The following PBX1 variants were observed in gnomAD, a reference collection of about 807,000 sequenced individuals.
PBX1 encodes the protein PBX homeobox 1, also known as pre-B-cell leukemia transcription factor 1.
A neutral mutation model predicts 53.4 loss-of-function variants in PBX1; 6 were observed. That is an observed-to-expected ratio of 0.11 (90% CI 0.06 to 0.22). PBX1 has a LOEUF of 0.22. PBX1 is among the 10% of genes least tolerant of loss of function. The pLI is 1.00. For missense variants in PBX1, 251 were observed against 551.4 expected, an observed-to-expected ratio of 0.46 and a Z score of 5.46; for synonymous variants, 204 against 212.3, an observed-to-expected ratio of 0.96 and a Z score of 0.34.
chr1:164,583,587 T>A (rs1654767420), intron 2 of PBX1, among the ~76,000 whole-genome samples: 1 of 152,296 alleles, frequency 6.6e-6, no homozygotes, highest in East Asian at 1.9e-4. Context: ...GAAACATGGT[T>A]CCTAAGAAGG....
At chr1:164,743,706 A>G (rs1212188842) in intron 2 of PBX1, among the ~76,000 whole-genome samples, 1 of 152,208 alleles carries the variant, frequency 6.6e-6, no homozygotes, top group Non-Finnish European at 1.5e-5. Context: ...GAGGTGGGTC[A>G]TTAGGGAGCC....
chr1:164,863,391 G>A (rs921102338), intron 2 of PBX1, among the ~76,000 whole-genome samples: 1 of 152,156 alleles, frequency 6.6e-6, no homozygotes, highest in Non-Finnish European at 1.5e-5. Context: ...CATGTTTCCC[G>A]AGAGCCTACT....
At chr1:164,828,248 T>G (rs1242396062) in intron 8 of PBX1, among the ~76,000 whole-genome samples, 2 of 152,094 alleles carry the variant, frequency 1.3e-5, no homozygotes, top group African/African-American at 2.4e-5. Context: ...GTATCACATT[T>G]AGGCTGTGTG....
intron 2 of PBX1, among the ~76,000 whole-genome samples, chr1:164,729,373 CT>C (rs1370310330): frequency 6.6e-6 from 1 of 151,958 alleles, no homozygotes; most frequent in East Asian, 1.9e-4. Context: ...TTTTTCCTTC[CT>C]TTTTTTCCTT....
intron 5 of PBX1, among the ~76,000 whole-genome samples, chr1:164,811,245 G>A (rs1057221346): frequency 6.6e-6 from 1 of 152,168 alleles, no homozygotes; most frequent in African/African-American, 2.4e-5. Context: ...TATGAAGGGA[G>A]CAGAGGTACC....
intron 2 of PBX1, among the ~76,000 whole-genome samples, chr1:164,661,090 G>A (rs1357034246): frequency 6.6e-6 from 1 of 152,190 alleles, no homozygotes; most frequent in Non-Finnish European, 1.5e-5. Context: ...AACACAGACT[G>A]GAAGCAGCTG....
intron 2 of PBX1, among the ~76,000 whole-genome samples, chr1:164,768,154 C>T (rs1187249923): frequency 1.3e-5 from 2 of 152,182 alleles, no homozygotes; most frequent in East Asian, 1.9e-4. Flanking sequence ...ATTGATTTCA[C>T]ACCAGCCATG....
chr1:164,880,302 AT>A (rs533104584), intron 2 of PBX1, among the ~76,000 whole-genome samples: 69 of 152,324 alleles, frequency 4.5e-4, no homozygotes, highest in African/African-American at 1.6e-3. Flanking sequence ...AAATATGCTC[AT>A]GATGATAGGC....
intron 2 of PBX1, among the ~76,000 whole-genome samples, chr1:164,620,712 T>A (rs936801830): frequency 6.6e-6 from 1 of 152,138 alleles, no homozygotes; most frequent in Non-Finnish European, 1.5e-5. Context: ...TGATGGAGTC[T>A]TGCTCTGTCA....
At position 164,789,484 on chromosome 1, in the gene PBX1, T is replaced by C. The variant is rs537509209; in HGVS notation, c.266-3010T>C. Among the ~76,000 whole-genome samples the C allele has an allele frequency of 2.0e-5, 3 of 152,312 alleles. No homozygotes were observed. The South Asian group carries it at 6.2e-4, about 32-fold the overall frequency. ...TCTGCCTTGCCTCTCCCTTCTTTCA[T>C]ACCTCACTGAGTTTGGCTGGAGGAA... On this transcript the variant is annotated intron_variant, in intron 2 of 8. Coordinates refer to ENST00000420696, the MANE Select transcript of PBX1 (RefSeq NM_002585.4).
chr1:164,595,097 C>G (rs1655663558), intron 2 of PBX1, among the ~76,000 whole-genome samples: 1 of 152,210 alleles, frequency 6.6e-6, no homozygotes, highest in South Asian at 2.1e-4. Context: ...GACTTTAAGA[C>G]AGTACCACGT....
rs1485868102 is a variant in PBX1 at position 164,848,337 on chromosome 1, T to C, written c.*1661T>C. 12 of 1,057,458 alleles carry C rather than the reference T, an allele frequency of 1.1e-5. No individual in the cohort carries two copies. In the Admixed American group the frequency reaches 4.3e-4, roughly 38 times the overall value. 65.5% of individuals were successfully genotyped at this position (1,057,458 alleles called of 1,614,324 possible). On this transcript the variant is annotated 3_prime_UTR_variant, in exon 9 of 9. Coordinates refer to ENST00000420696, the MANE Select transcript of PBX1 (RefSeq NM_002585.4). ...TTAAGTGGGAGGTGGTCAAATATTTTGGTGCCTCATTTTCTTCATCTGTGA... is the reference window on the plus strand; with the variant it reads ...TTAAGTGGGAGGTGGTCAAATATTTCGGTGCCTCATTTTCTTCATCTGTGA...
chr1:164,788,627 C>T (rs1216463560), intron 2 of PBX1, among the ~76,000 whole-genome samples: 1 of 151,998 alleles, frequency 6.6e-6, no homozygotes, highest in Non-Finnish European at 1.5e-5. Flanking sequence ...TTCCCTTGTT[C>T]ATATTGTTCC....
chr1:164,567,991 G>A (rs12039194), intron 2 of PBX1, among the ~76,000 whole-genome samples: 17,721 of 152,156 alleles, frequency 0.12, 1,429 homozygotes, highest in East Asian at 0.41. Context: ...TGTTGGCTGA[G>A]AAGGGGGCAT....
intron 2 of PBX1, among the ~76,000 whole-genome samples, chr1:164,717,282 T>G (rs1664158378): frequency 6.6e-6 from 1 of 152,188 alleles, no homozygotes; most frequent in Non-Finnish European, 1.5e-5. Context: ...GAGGTCCTGT[T>G]TAAGAATATG....
chr1:164,720,832 G>T (rs1001452625), intron 2 of PBX1, among the ~76,000 whole-genome samples: 8 of 152,168 alleles, frequency 5.3e-5, no homozygotes, highest in African/African-American at 1.9e-4. Context: ...TGCTTGTTTA[G>T]CCTTATGACC....
At chr1:164,840,456 T>C (rs1458603994) in intron 8 of PBX1, among the ~76,000 whole-genome samples, 3 of 152,166 alleles carry the variant, frequency 2.0e-5, no homozygotes, top group Admixed American at 6.5e-5. Flanking sequence ...AGAGAAAAGA[T>C]AGGGGCTCAA....
intron 2 of PBX1, among the ~76,000 whole-genome samples, chr1:164,791,733 G>C (rs1160029513): frequency 2.6e-5 from 4 of 152,058 alleles, no homozygotes; most frequent in African/African-American, 9.7e-5. Flanking sequence ...GGTAGTATGG[G>C]GATGAAAGTA....
chr1:164,772,288 A>G (rs1264398090), intron 2 of PBX1, among the ~76,000 whole-genome samples: 1 of 152,236 alleles, frequency 6.6e-6, no homozygotes, highest in African/African-American at 2.4e-5. Context: ...CTTTAAAAGA[A>G]CATGTGGTTT....
Sources: allele counts gnomAD v4.1 joint callset (sites outside exome capture counted in the v4.1 genomes callset), GRCh38; gene constraint gnomAD v4.1.1; transcripts MANE v1.5; gene names NCBI Gene and HGNC (gene_info 2026-07-23, HGNC 2026-07-21).